The following RBFOX1 variants were observed in gnomAD, a reference collection of about 807,000 sequenced individuals.
RBFOX1 encodes RNA binding fox-1 homolog 1, also known as RNA binding protein fox-1 homolog 1.
A neutral mutation model predicts 57.7 loss-of-function variants in RBFOX1; 8 were observed. That is an observed-to-expected ratio of 0.14 (90% CI 0.08 to 0.25). The LOEUF (loss-of-function observed/expected upper bound fraction) is 0.25, where lower values mean the gene tolerates loss of function less well. Ranked by LOEUF, RBFOX1 falls within the 10% of genes least tolerant of loss-of-function variation. RBFOX1 has a pLI of 1.00. For synonymous variants in RBFOX1, 326 were observed against 222.4 expected (o/e 1.47, Z -4.15); for missense variants, 611 against 548.5 (o/e 1.11, Z -1.14).
intron 4 of RBFOX1, among the ~76,000 whole-genome samples, chr16:7,312,586 C>G (rs953755755): frequency 2.0e-5 from 3 of 152,134 alleles, no homozygotes; most frequent in East Asian, 1.9e-4. Flanking sequence ...TGTTTGGGAG[C>G]TCTTCTCTTT....
chr16:7,163,429 G>T (rs952371547), intron 4 of RBFOX1, among the ~76,000 whole-genome samples: 2 of 152,080 alleles, frequency 1.3e-5, no homozygotes, highest in African/African-American at 4.8e-5. Context: ...GGCTGGTCTG[G>T]TGACGTTTTG....
intron 1 of RBFOX1, among the ~76,000 whole-genome samples, chr16:6,144,773 A>T (rs1036095503): frequency 3.3e-5 from 5 of 152,294 alleles, no homozygotes; most frequent in Middle Eastern, 3.4e-3. Flanking sequence ...ATAGCCACAT[A>T]ATTTAAAAAC....
Position 7,688,956 on chromosome 16 carries a change from C to G in RBFOX1, c.995+12118C>G, listed in dbSNP as rs192401001. On this transcript the variant is annotated intron_variant, in intron 14 of 15. Transcript: ENST00000550418. Reference sequence around the variant, plus strand: ...ATACCCCCTACGTGAATGTTCCAAGCAGAACCTTAGATAGTAAAAGCTTGG... The same window carrying G: ...ATACCCCCTACGTGAATGTTCCAAGGAGAACCTTAGATAGTAAAAGCTTGG... 1.1e-3 allele frequency among the ~76,000 whole-genome samples: 171 copies of G among 152,132 alleles called. 1 individual carries two copies. The highest frequency in any genetic ancestry group is 2.1e-3 in the South Asian group (10 of 4,820).
chr16:6,214,188 C>A (rs1377842375), intron 1 of RBFOX1, among the ~76,000 whole-genome samples: 1 of 152,242 alleles, frequency 6.6e-6, no homozygotes, highest in Non-Finnish European at 1.5e-5. Context: ...CTCCCACTGT[C>A]TCCATCTCTC....
chr16:6,310,992 A>C (rs912383575), intron 1 of RBFOX1, among the ~76,000 whole-genome samples: 1 of 152,062 alleles, frequency 6.6e-6, no homozygotes, highest in Non-Finnish European at 1.5e-5. Flanking sequence ...GGACATTTCA[A>C]TTTAGTTTAG....
At chr16:5,575,616 G>A (rs142669281) in intron 2 of RBFOX1, among the ~76,000 whole-genome samples, 3 of 152,326 alleles carry the variant, frequency 2.0e-5, no homozygotes, top group Non-Finnish European at 4.4e-5. Context: ...ACCTGTCTCC[G>A]AAGCAAAGCT....
chr16:6,049,959 T>TTG (rs1295377936), intron 1 of RBFOX1, among the ~76,000 whole-genome samples: 5 of 150,988 alleles, frequency 3.3e-5, no homozygotes, highest in Non-Finnish European at 7.4e-5. Flanking sequence ...TTAAAACGTT[T>TTG]TTTTTTTTTT....
At chr16:6,156,603 G>C (rs1298239797) in intron 1 of RBFOX1, among the ~76,000 whole-genome samples, 2 of 152,144 alleles carry the variant, frequency 1.3e-5, no homozygotes, top group Middle Eastern at 3.2e-3. Flanking sequence ...GAGGTGGCCA[G>C]CTTGGCCACC....
intron 2 of RBFOX1, among the ~76,000 whole-genome samples, chr16:6,414,388 C>G (rs1298846433): frequency 1.3e-5 from 2 of 152,158 alleles, no homozygotes; most frequent in Admixed American, 1.3e-4. Flanking sequence ...TTCCCGGGCA[C>G]CTACTGTGTT....
At chr16:6,783,339 C>G (rs1186648931) in intron 3 of RBFOX1, among the ~76,000 whole-genome samples, 2 of 142,960 alleles carry the variant, frequency 1.4e-5, no homozygotes, top group Non-Finnish European at 3.0e-5. Context: ...TTCTTGTCTT[C>G]CTTTCTATAT....
At chr16:6,432,295 G>T (rs1227934868) in intron 2 of RBFOX1, among the ~76,000 whole-genome samples, 1 of 152,034 alleles carries the variant, frequency 6.6e-6, no homozygotes, top group Non-Finnish European at 1.5e-5. Flanking sequence ...CATGCTTCAG[G>T]CATAGGTAGT....
intron 2 of RBFOX1, among the ~76,000 whole-genome samples, chr16:6,344,410 T>A (rs2085036610): frequency 1.5e-5 from 2 of 137,428 alleles, no homozygotes; most frequent in Non-Finnish European, 3.1e-5. Flanking sequence ...TTTTTTTCTT[T>A]TTTTTTTTTG....
intron 3 of RBFOX1, among the ~76,000 whole-genome samples, chr16:6,938,695 C>A (rs1288948232): frequency 6.6e-6 from 1 of 152,056 alleles, no homozygotes; most frequent in Non-Finnish European, 1.5e-5. Context: ...CCATGTTGGC[C>A]AGGCTGGTCT....
intron 3 of RBFOX1, among the ~76,000 whole-genome samples, chr16:5,693,985 T>C (rs978292823): frequency 3.9e-5 from 6 of 152,212 alleles, no homozygotes; most frequent in Admixed American, 1.3e-4. Context: ...CTTGTCTATC[T>C]TTTGCTAGCA....
chr16:7,264,571 C>G (rs527966635), intron 4 of RBFOX1, among the ~76,000 whole-genome samples: 1 of 152,246 alleles, frequency 6.6e-6, no homozygotes, highest in South Asian at 2.1e-4. Context: ...AGAAAGTGGC[C>G]ACAGATAGAT....
At chr16:5,456,817 C>G (rs976393586) in intron 1 of RBFOX1, among the ~76,000 whole-genome samples, 1 of 152,168 alleles carries the variant, frequency 6.6e-6, no homozygotes, top group Non-Finnish European at 1.5e-5. Flanking sequence ...GGAATAACAC[C>G]TAACCCCTTT....
intron 1 of RBFOX1, among the ~76,000 whole-genome samples, chr16:6,268,809 T>A (rs2074859828): frequency 6.6e-6 from 1 of 152,098 alleles, no homozygotes; most frequent in Non-Finnish European, 1.5e-5. Flanking sequence ...AAGTAAACAT[T>A]TTTTCCCTGT....
At chr16:7,305,955 A>G (rs892662998) in intron 4 of RBFOX1, among the ~76,000 whole-genome samples, 14 of 152,158 alleles carry the variant, frequency 9.2e-5, no homozygotes, top group Non-Finnish European at 1.6e-4. Context: ...TGTGCGTTTT[A>G]TACCAGTTAT....
At chr16:6,057,933 T>C (rs1004940427) in intron 1 of RBFOX1, among the ~76,000 whole-genome samples, 1 of 148,878 alleles carries the variant, frequency 6.7e-6, no homozygotes, top group Non-Finnish European at 1.5e-5. Flanking sequence ...GTCTTGCTGA[T>C]GGTGAGGTCA....
Sources: allele counts gnomAD v4.1 joint callset (sites outside exome capture counted in the v4.1 genomes callset), GRCh38; gene constraint gnomAD v4.1.1; transcripts MANE v1.5; gene names NCBI Gene and HGNC (gene_info 2026-07-23, HGNC 2026-07-21).